CSMD2: variants seen among roughly 807,000 people sequenced by gnomAD.
The protein encoded by CSMD2 is CUB and sushi domain-containing protein 2.
Under a neutral mutation model 398.5 loss-of-function variants are expected in CSMD2, and 130 were observed. The observed-to-expected ratio is 0.33, with a 90% confidence interval of 0.28 to 0.38. The LOEUF is 0.38. CSMD2 is among the 10% of genes least tolerant of loss of function. CSMD2 has a pLI of 1.00. For missense variants in CSMD2, 3,829 were observed against 4,764.9 expected (o/e 0.80, Z 5.78); for synonymous variants, 1,828 against 1,908.5 (o/e 0.96, Z 1.10).
At chr1:33,890,323 C>A (rs574524063) in intron 5 of CSMD2, among the ~76,000 whole-genome samples, 3 of 151,130 alleles carry the variant, frequency 2.0e-5, no homozygotes, top group Non-Finnish European at 2.9e-5. Context: ...CTCCGCCTCC[C>A]GGGTGCACAC....
intron 3 of CSMD2, among the ~76,000 whole-genome samples, chr1:33,954,689 A>G (rs1645110133): frequency 6.6e-6 from 1 of 152,188 alleles, no homozygotes. Flanking sequence ...CATCATGGTA[A>G]GTGAAATGAG....
intron 1 of CSMD2, among the ~76,000 whole-genome samples, chr1:34,162,266 G>T (rs1641412044): frequency 6.6e-6 from 1 of 151,754 alleles, no homozygotes; most frequent in Non-Finnish European, 1.5e-5. Context: ...GGGAGGGGGA[G>T]GGGGAGTGCA....
At chr1:33,836,879 C>T (rs1660338130) in intron 6 of CSMD2, among the ~76,000 whole-genome samples, 1 of 152,214 alleles carries the variant, frequency 6.6e-6, no homozygotes, top group South Asian at 2.1e-4. Flanking sequence ...CCTGCACCCA[C>T]TCTCCGACAA....
At chr1:34,084,509 C>T (rs939004843) in intron 2 of CSMD2, among the ~76,000 whole-genome samples, 3 of 152,246 alleles carry the variant, frequency 2.0e-5, no homozygotes, top group East Asian at 1.9e-4. Context: ...CCAGAATCTA[C>T]GATGAACTCA....
intron 5 of CSMD2, among the ~76,000 whole-genome samples, chr1:33,892,598 C>G (rs1043527779): frequency 6.6e-6 from 1 of 152,200 alleles, no homozygotes; most frequent in Admixed American, 6.5e-5. Context: ...TGAGCTACTC[C>G]TCTTAGAATA....
chr1:34,054,364 G>C (rs1219880809), intron 2 of CSMD2, among the ~76,000 whole-genome samples: 2 of 152,124 alleles, frequency 1.3e-5, no homozygotes, highest in Non-Finnish European at 2.9e-5. Context: ...GCTTAATCTA[G>C]AGAACTTGCA....
At chr1:34,024,838 A>G (rs192484576) in intron 3 of CSMD2, among the ~76,000 whole-genome samples, 128 of 152,332 alleles carry the variant, frequency 8.4e-4, no homozygotes, top group Non-Finnish European at 1.4e-3. Flanking sequence ...CATTAGCCCA[A>G]TTTTGAGATG....
intron 12 of CSMD2, among the ~76,000 whole-genome samples, chr1:33,780,019 T>C (rs1262710996): frequency 6.6e-6 from 1 of 151,910 alleles, no homozygotes. Context: ...GAAGCTCAAG[T>C]GATGAAGAGA....
intron 3 of CSMD2, among the ~76,000 whole-genome samples, chr1:34,007,538 C>T (rs1476893444): frequency 1.3e-5 from 2 of 152,200 alleles, no homozygotes; most frequent in Admixed American, 6.5e-5. Flanking sequence ...CATAAATCTC[C>T]CTGGAAAGCA....
intron 25 of CSMD2, among the ~76,000 whole-genome samples, chr1:33,681,011 GC>G (rs1440559410): frequency 1.9e-4 from 23 of 123,214 alleles, no homozygotes; most frequent in African/African-American, 6.9e-4. Flanking sequence ...TATAAGCTCC[GC>G]CTCCTGTGTT....
chr1:33,864,645 A>G (rs369318121), intron 5 of CSMD2: 6 of 1,613,828 alleles, frequency 3.7e-6, no homozygotes, highest in Non-Finnish European at 4.2e-6. Context: ...CCTGAGAGCT[A>G]AGTACTTCGA....
At chr1:34,099,308 T>A (rs934440788) in intron 1 of CSMD2, among the ~76,000 whole-genome samples, 5 of 152,176 alleles carry the variant, frequency 3.3e-5, no homozygotes, top group African/African-American at 1.2e-4. Flanking sequence ...GGGACCTGGA[T>A]CATAGACTAG....
At position 33,662,972 on chromosome 1, in the gene CSMD2, C is replaced by T. The variant is rs1236023107; in HGVS notation, c.4173G>A (p.Leu1391=). Residue 1391 remains leucine (L), a synonymous_variant, in exon 26 of 71, where the codon CTG becomes CTA. Coordinates refer to ENST00000373381, the MANE Select transcript of CSMD2 (RefSeq NM_001281956.2). ...ELSGPALPKD[L]HSTFNSVVLQ... ...GGACGACCGAGTTGAAGGTGCTATGCAGGTCCTTGGGCAGGGCCGGGCCAC... is the reference window on the plus strand; with the variant it reads ...GGACGACCGAGTTGAAGGTGCTATGTAGGTCCTTGGGCAGGGCCGGGCCAC... 6.2e-7 allele frequency: 1 copy of T among 1,614,174 alleles called. No homozygotes were observed. Among genetic ancestry groups the T allele is most frequent in the South Asian group, 1.1e-5 (1 of 91,074 alleles).
intron 25 of CSMD2, among the ~76,000 whole-genome samples, chr1:33,686,377 T>G (rs1272625678): frequency 6.6e-6 from 1 of 152,216 alleles, no homozygotes; most frequent in East Asian, 1.9e-4. Context: ...CTCATGGGTC[T>G]GCCCTCCTGC....
chr1:33,516,630 G>GGGCC (rs1174984939), intron 70 of CSMD2, 60 bp from the exon 71 acceptor site: 1 of 152,356 alleles, frequency 6.6e-6, no homozygotes, highest in African/African-American at 2.4e-5. Context: ...GGGAGGGGAG[G>GGGCC]GGCCGGGAGC....
Position 33,527,261 on chromosome 1 carries a change from G to C in CSMD2, c.10172-3C>G. The C allele has an allele frequency of 6.2e-7, 1 of 1,610,818 alleles. No individual in the cohort carries two copies. The highest frequency in any genetic ancestry group is 8.5e-7 in the Non-Finnish European group (1 of 1,178,472). ...GGGTCTCCCACTGGGCCGGACCTCT[G>C]CTGGGGAAAAAGAGTGGAAGAAAAC... On this transcript the variant is annotated splice_polypyrimidine_tract_variant and splice_region_variant and intron_variant, in intron 64 of 70. Coordinates refer to ENST00000373381, the MANE Select transcript of CSMD2 (RefSeq NM_001281956.2).
chr1:34,123,838 GC>G (rs1174785396), intron 1 of CSMD2, among the ~76,000 whole-genome samples: 2 of 152,124 alleles, frequency 1.3e-5, no homozygotes, highest in Admixed American at 1.3e-4. Context: ...GCTTAAGAGA[GC>G]TTTTCCCTAA....
intron 2 of CSMD2, among the ~76,000 whole-genome samples, chr1:34,044,630 C>T (rs140794451): frequency 5.5e-4 from 83 of 152,242 alleles, no homozygotes; most frequent in African/African-American, 1.8e-3. Context: ...TGTGCTGCCC[C>T]GAGATCTGGA....
At chr1:34,064,730 T>C (rs374053335) in intron 2 of CSMD2, among the ~76,000 whole-genome samples, 38 of 152,316 alleles carry the variant, frequency 2.5e-4, no homozygotes, top group African/African-American at 8.7e-4. Flanking sequence ...CACTTCACTC[T>C]ACTGGTACCA....
Sources: gnomAD v4.1 joint callset for allele counts (sites outside exome capture counted in the v4.1 genomes callset) on GRCh38, gnomAD v4.1.1 for gene constraint, MANE v1.5 for transcripts, NCBI Gene and HGNC (gene_info 2026-07-23, HGNC 2026-07-21) for gene names.